The following DOCK3 variants were observed in gnomAD, a reference collection of about 807,000 sequenced individuals.
The protein encoded by DOCK3 is dedicator of cytokinesis 3, also known as dedicator of cytokinesis protein 3.
Under a neutral mutation model 265.6 loss-of-function variants are expected in DOCK3, and 60 were observed. The ratio of observed to expected loss-of-function variants is 0.23; its 90% CI spans 0.18 to 0.28. The LOEUF (loss-of-function observed/expected upper bound fraction) is 0.28, where lower values mean the gene tolerates loss of function less well. DOCK3 is among the 10% of genes least tolerant of loss of function. DOCK3 has a pLI of 1.00. For synonymous variants in DOCK3, 881 were observed against 938.0 expected (o/e 0.94, Z 1.11); for missense variants, 1,981 against 2,594.3 (o/e 0.76, Z 5.14).
At chr3:50,855,779 T>A (rs1329685644) in intron 3 of DOCK3, among the ~76,000 whole-genome samples, 1 of 152,070 alleles carries the variant, frequency 6.6e-6, no homozygotes, top group Non-Finnish European at 1.5e-5. Flanking sequence ...GATCATCCCA[T>A]CACCTATGTA....
At chr3:51,154,565 C>T (rs1275013461) in intron 10 of DOCK3, among the ~76,000 whole-genome samples, 1 of 152,154 alleles carries the variant, frequency 6.6e-6, no homozygotes, top group Non-Finnish European at 1.5e-5. Flanking sequence ...GAGACACCCA[C>T]CTTCTAGAAT....
At chr3:51,281,095 T>C (rs1347769673) in intron 27 of DOCK3, among the ~76,000 whole-genome samples, 1 of 152,042 alleles carries the variant, frequency 6.6e-6, no homozygotes, top group African/African-American at 2.4e-5. Context: ...ATATTGTTTA[T>C]CTTTTCTTTA....
At chr3:50,934,983 GA>G (rs376201701) in intron 5 of DOCK3, among the ~76,000 whole-genome samples, 103 of 152,242 alleles carry the variant, frequency 6.8e-4, no homozygotes, top group African/African-American at 2.4e-3. Context: ...AGAAAAAAGA[GA>G]ATGAACTACC....
At chr3:51,186,897 C>G (rs1576351285) in intron 12 of DOCK3, among the ~76,000 whole-genome samples, 1 of 152,352 alleles carries the variant, frequency 6.6e-6, no homozygotes, top group Non-Finnish European at 1.5e-5. Flanking sequence ...GATGCCCAGG[C>G]AGAAGTTTGC....
chr3:50,850,332 C>G (rs2046300774), intron 3 of DOCK3, among the ~76,000 whole-genome samples: 4 of 150,978 alleles, frequency 2.6e-5, no homozygotes. Flanking sequence ...TGCACTCCAG[C>G]CTGGGAGACA....
At chr3:50,737,332 G>T (rs1038082364) in intron 1 of DOCK3, among the ~76,000 whole-genome samples, 3 of 152,102 alleles carry the variant, frequency 2.0e-5, no homozygotes, top group Admixed American at 6.6e-5. Context: ...CAAGACAGGG[G>T]GTGGGGAGGG....
intron 5 of DOCK3, among the ~76,000 whole-genome samples, chr3:51,060,937 T>C (rs566832180): frequency 2.6e-5 from 4 of 152,322 alleles, no homozygotes; most frequent in African/African-American, 7.2e-5. Flanking sequence ...AAGACATTTA[T>C]GCAGCCAACA....
At chr3:50,760,166 A>G (rs2040438612) in intron 1 of DOCK3, among the ~76,000 whole-genome samples, 1 of 151,696 alleles carries the variant, frequency 6.6e-6, no homozygotes, top group African/African-American at 2.4e-5. Context: ...TTTTTAGTTC[A>G]TTTTTGTATA....
chr3:50,922,818 A>G (rs1279058709), intron 4 of DOCK3, among the ~76,000 whole-genome samples: 1 of 149,752 alleles, frequency 6.7e-6, no homozygotes, highest in African/African-American at 2.5e-5. Flanking sequence ...GTTTGGTTAC[A>G]TAAGAAAGTT....
intron 12 of DOCK3, among the ~76,000 whole-genome samples, chr3:51,189,617 T>G (rs935813645): frequency 6.6e-6 from 1 of 152,216 alleles, no homozygotes; most frequent in African/African-American, 2.4e-5. Context: ...CCAAGTAGTA[T>G]TCCATGGTGT....
intron 5 of DOCK3, among the ~76,000 whole-genome samples, chr3:51,022,400 C>T (rs1331665920): frequency 6.6e-6 from 1 of 152,112 alleles, no homozygotes; most frequent in Non-Finnish European, 1.5e-5. Flanking sequence ...GAGTTCTTAG[C>T]ACTAATTGAA....
At chr3:50,930,791 C>T (rs1214955764) in intron 4 of DOCK3, among the ~76,000 whole-genome samples, 1 of 152,208 alleles carries the variant, frequency 6.6e-6, no homozygotes, top group Non-Finnish European at 1.5e-5. Context: ...TGCAGACAGC[C>T]TCTTGCAGAG....
chr3:51,276,073 G>A (rs762642973), intron 25 of DOCK3, among the ~76,000 whole-genome samples: 8 of 152,212 alleles, frequency 5.3e-5, no homozygotes, highest in Non-Finnish European at 7.3e-5. Flanking sequence ...GTTGCCAGGT[G>A]ATAAGAATAT....
intron 5 of DOCK3, among the ~76,000 whole-genome samples, chr3:51,011,248 C>T (rs1258139181): frequency 6.6e-6 from 1 of 152,200 alleles, no homozygotes; most frequent in Non-Finnish European, 1.5e-5. Context: ...CCGTCACTTT[C>T]AGGTATACCA....
chr3:51,147,390 A>G (rs757279553), intron 10 of DOCK3, among the ~76,000 whole-genome samples: 15 of 152,130 alleles, frequency 9.9e-5, no homozygotes, highest in Non-Finnish European at 1.6e-4. Flanking sequence ...TGTACACAAC[A>G]TGCAGGTTTG....
At chr3:51,061,693 C>G (rs997463637) in intron 5 of DOCK3, among the ~76,000 whole-genome samples, 1 of 151,484 alleles carries the variant, frequency 6.6e-6, no homozygotes, top group Non-Finnish European at 1.5e-5. Context: ...GAACATGTAC[C>G]CTAAAACTTA....
chr3:51,306,604 TTTG>T (rs2082704830), intron 27 of DOCK3, among the ~76,000 whole-genome samples: 2 of 152,350 alleles, frequency 1.3e-5, no homozygotes, highest in South Asian at 2.1e-4. Context: ...CTTTTTTCTT[TTTG>T]TTTTTCCTAC....
intron 2 of DOCK3, among the ~76,000 whole-genome samples, chr3:50,834,212 A>G (rs893927381): frequency 6.6e-6 from 1 of 152,004 alleles, no homozygotes; most frequent in Non-Finnish European, 1.5e-5. Flanking sequence ...TCTATAGCTG[A>G]TTTTAAACCT....
At chr3:51,282,568 G>A (rs563045119) in intron 27 of DOCK3, among the ~76,000 whole-genome samples, 21 of 150,708 alleles carry the variant, frequency 1.4e-4, no homozygotes, top group Admixed American at 1.1e-3. Context: ...CAGGAGAACC[G>A]CCTGAACCTG....
Sources: allele counts gnomAD v4.1 joint callset (sites outside exome capture counted in the v4.1 genomes callset), GRCh38; gene constraint gnomAD v4.1.1; transcripts MANE v1.5; gene names NCBI Gene and HGNC (gene_info 2026-07-23, HGNC 2026-07-21).